The following KCNQ1 variants were observed in gnomAD, a reference collection of about 807,000 sequenced individuals.
The protein encoded by KCNQ1 is potassium voltage-gated channel subfamily Q member 1.
A neutral mutation model predicts 72.4 loss-of-function variants in KCNQ1; 49 were observed. That is an observed-to-expected ratio of 0.68 (90% CI 0.54 to 0.86). The LOEUF is 0.86. Among genes scored for constraint, KCNQ1 ranks in the 40% least tolerant of loss-of-function variants. The probability of loss-of-function intolerance (pLI) is 0.00; values close to 1 mark genes in which losing one functional copy is unlikely to be tolerated. For missense variants in KCNQ1, 790 were observed against 945.1 expected (o/e 0.84, Z 2.15); for synonymous variants, 450 against 412.6 (o/e 1.09, Z -1.10).
At position 2,661,111 on chromosome 11, in the gene KCNQ1, C is replaced by A. The variant is rs1310826344; in HGVS notation, c.1394-850C>A. 4 of 398,392 alleles carry A rather than the reference C, an allele frequency of 1.0e-5. No homozygotes were observed. The highest frequency in any genetic ancestry group is 4.4e-5 in the Admixed American group (1 of 22,682). 24.7% of individuals were successfully genotyped at this position (398,392 alleles called of 1,614,324 possible). On this transcript the variant is annotated intron_variant, in intron 10 of 15. Transcript: ENST00000155840. The surrounding 1 kb of genome is among the most constrained non-coding windows in gnomAD (Gnocchi z 5.9). ...CATAAAAGCAACTCCCACCTGGCAT[C>A]TGCTGCTCGGATGAGCAGAGAGGGT...
rs552606524 is a variant in KCNQ1, at chr11:2,668,229, C to T, written c.1514+6148C>T. The stretch of plus-strand genomic sequence containing the variant: ...CATTCATCCATTCTACCACCTGTGG[C>T]CAGCAGGCAGTTTCTGGTGTAGGTT... On this transcript the variant is annotated intron_variant, in intron 11 of 15. Coordinates refer to ENST00000155840, the MANE Select transcript of KCNQ1 (RefSeq NM_000218.3). The surrounding 1 kb of genome is among the most constrained non-coding windows in gnomAD (Gnocchi z 4.3). 5 of 398,626 alleles carry T rather than the reference C, an allele frequency of 1.3e-5. No individual in the cohort carries two copies. The East Asian group carries it at 1.8e-4, about 14-fold the overall frequency. The allele number at this position is 398,626 out of a possible 1,614,324, so 24.7% of individuals were successfully genotyped here. A position where few individuals can be genotyped will look rare whatever the true frequency, so the allele number is the denominator to read the frequency against.
chr11:2,721,594 T>G (rs918361000), intron 11 of KCNQ1, among the ~76,000 whole-genome samples: 4 of 152,218 alleles, frequency 2.6e-5, no homozygotes, highest in African/African-American at 2.4e-5. Flanking sequence ...TTACTCCGCC[T>G]GCAGGGGTGG....
At chr11:2,835,427 A>G (rs1022955861) in intron 15 of KCNQ1, among the ~76,000 whole-genome samples, 18 of 146,522 alleles carry the variant, frequency 1.2e-4, no homozygotes, top group Non-Finnish European at 3.0e-5. Flanking sequence ...ACACACACAC[A>G]CGCACACATG....
chr11:2,760,734 G>A (rs1365603982), intron 11 of KCNQ1, among the ~76,000 whole-genome samples: 1 of 152,190 alleles, frequency 6.6e-6, no homozygotes, highest in African/African-American at 2.4e-5. Flanking sequence ...TCTCTTACCA[G>A]CTCGCTCCTG....
intron 15 of KCNQ1, among the ~76,000 whole-genome samples, chr11:2,843,652 G>A (rs1848257530): frequency 6.6e-6 from 1 of 152,234 alleles, no homozygotes; most frequent in South Asian, 2.1e-4. Context: ...ATCAAGGCCG[G>A]GCAGGTTCTG....
intron 10 of KCNQ1, chr11:2,641,987 A>G (rs190872405): frequency 2.5e-5 from 10 of 398,386 alleles, no homozygotes; most frequent in South Asian, 1.3e-4. Context: ...CCATTGGTCT[A>G]TCAGTTTTTA....
At chr11:2,490,733 G>C (rs943732044) in intron 1 of KCNQ1, among the ~76,000 whole-genome samples, 7 of 152,114 alleles carry the variant, frequency 4.6e-5, no homozygotes, top group African/African-American at 1.7e-4. Context: ...TTGTTGCCAA[G>C]GCTAGAGCGC....
At chr11:2,702,101 C>G (rs1343381062) in intron 11 of KCNQ1, among the ~76,000 whole-genome samples, 1 of 152,172 alleles carries the variant, frequency 6.6e-6, no homozygotes, top group Non-Finnish European at 1.5e-5. Context: ...AGGCCAGAAT[C>G]CTCCCCTGAT....
Position 2,565,486 on chromosome 11 carries a change from T to G in KCNQ1, c.478-5142T>G, listed in dbSNP as rs1848234336. Among the ~76,000 whole-genome samples, 1 of 152,194 alleles carries G rather than the reference T, an allele frequency of 6.6e-6. No homozygotes were observed. The highest frequency in any genetic ancestry group is 1.5e-5 in the Non-Finnish European group (1 of 68,038). ...AAATTGAGTTGTTAGGAACTTTGGTTTTTTAAATAATTTTAAAGCACACAA... is the reference window on the plus strand; with the variant it reads ...AAATTGAGTTGTTAGGAACTTTGGTGTTTTAAATAATTTTAAAGCACACAA... On this transcript the variant is annotated intron_variant, in intron 2 of 15. Transcript: ENST00000155840. The surrounding 1 kb of genome is among the most constrained non-coding windows in gnomAD (Gnocchi z 5.6).
In KCNQ1 at chr11:2,508,894, G is replaced by T. The variant is rs1223798575; in HGVS notation, c.387-19034G>T. ...GCCTGATGCACACAGCCTGGCCCTT[G>T]TGGGCACTGGAGGGCACCCTACAGT... On this transcript the variant is annotated intron_variant, in intron 1 of 15. Coordinates refer to ENST00000155840, the MANE Select transcript of KCNQ1 (RefSeq NM_000218.3). This position sits in a 1 kb window ranked among gnomAD's most constrained non-coding sequence, Gnocchi z 6.2. 6.6e-6 allele frequency among the ~76,000 whole-genome samples: 1 copy of T among 151,944 alleles called. No homozygotes were observed. The highest frequency in any genetic ancestry group is 6.5e-5 in the Admixed American group (1 of 15,276).
rs888156437 is a variant in KCNQ1 at position 2,497,996 on chromosome 11, T to C, written c.387-29932T>C. On this transcript the variant is annotated intron_variant, in intron 1 of 15. Transcript: ENST00000155840. The surrounding 1 kb of genome is among the most constrained non-coding windows in gnomAD (Gnocchi z 4.5). ...ACCCTGTTTGCCTGGGTATCACCAGTGGAGGCTGCAGAACAGCAAAGATTG... is the reference window on the plus strand; with the variant it reads ...ACCCTGTTTGCCTGGGTATCACCAGCGGAGGCTGCAGAACAGCAAAGATTG... 1.3e-5 allele frequency among the ~76,000 whole-genome samples: 2 copies of C among 152,202 alleles called. No homozygotes were observed. Among genetic ancestry groups the C allele is most frequent in the African/African-American group, 4.8e-5 (2 of 41,454 alleles).
At chr11:2,501,722 A>AG (rs1847014020) in intron 1 of KCNQ1, among the ~76,000 whole-genome samples, 2 of 12,158 alleles carry the variant, frequency 1.6e-4, no homozygotes, top group African/African-American at 2.6e-4. Context: ...ATACATCAAA[A>AG]AAAAAAAAAA....
In KCNQ1 at chr11:2,623,999, T is replaced by C. The variant is rs1849220406; in HGVS notation, c.1393+35145T>C. ...ACTTTACATTCCCATTAATGGTATA[T>C]GTCAAAGTGGCTGTACCATTTTGCA... On this transcript the variant is annotated intron_variant, in intron 10 of 15. Coordinates refer to ENST00000155840, the MANE Select transcript of KCNQ1 (RefSeq NM_000218.3). The surrounding 1 kb of genome is among the most constrained non-coding windows in gnomAD (Gnocchi z 5.2). The C allele has an allele frequency of 2.5e-6, 1 of 398,974 alleles. No individual in the cohort carries two copies. Among genetic ancestry groups the C allele is most frequent in the Non-Finnish European group, 4.4e-6 (1 of 226,420 alleles). The allele number at this position is 398,974 out of a possible 1,614,324, so 24.7% of individuals were successfully genotyped here.
At chr11:2,637,229 G>A (rs1029934638) in intron 10 of KCNQ1, 1 of 151,986 alleles carries the variant, frequency 6.6e-6, no homozygotes, top group Non-Finnish European at 1.5e-5. Context: ...GCTAGCTTTT[G>A]AATGTGTTTG....
At chr11:2,638,044 C>G (rs1849505567) in intron 10 of KCNQ1, 1 of 152,154 alleles carries the variant, frequency 6.6e-6, no homozygotes, top group African/African-American at 2.4e-5. Flanking sequence ...GATCTTCCTC[C>G]ATCCCTTTAT....
intron 15 of KCNQ1, among the ~76,000 whole-genome samples, chr11:2,838,621 C>T (rs754469287): frequency 2.6e-5 from 4 of 152,080 alleles, no homozygotes; most frequent in Non-Finnish European, 4.4e-5. Context: ...GATGGCCCAG[C>T]AAGTGGCTGA....
intron 1 of KCNQ1, among the ~76,000 whole-genome samples, chr11:2,496,534 T>TG (rs1352517548): frequency 7.6e-6 from 1 of 131,116 alleles, no homozygotes; most frequent in East Asian, 2.5e-4. Context: ...TTCCATTGCT[T>TG]GGTAAATATT....
In KCNQ1 at chr11:2,683,960, C is replaced by CTT. The variant is rs560196106; in HGVS notation, c.1514+21892_1514+21893dup. On this transcript the variant is annotated intron_variant, in intron 11 of 15. Transcript: ENST00000155840. The surrounding 1 kb of genome is among the most constrained non-coding windows in gnomAD (Gnocchi z 4.7). ...AGACAAAACCAGCTGACTGCTTTTACTTTTTTTTTTTTTTCATTTAGAAGA... is the reference window on the plus strand; with the variant it reads ...AGACAAAACCAGCTGACTGCTTTTACTTTTTTTTTTTTTTTTCATTTAGAAGA... 2.4e-4 allele frequency: 94 copies of CTT among 387,420 alleles called. 1 individual carries two copies. In the Middle Eastern group the frequency reaches 3.2e-3, roughly 13 times the overall value. The allele number at this position is 387,420 out of a possible 1,614,324, so 24.0% of individuals were successfully genotyped here. A position where few individuals can be genotyped will look rare whatever the true frequency, so the allele number is the denominator to read the frequency against.
intron 15 of KCNQ1, among the ~76,000 whole-genome samples, chr11:2,795,443 C>A (rs1401380919): frequency 6.6e-6 from 1 of 152,202 alleles, no homozygotes; most frequent in Admixed American, 6.5e-5. Context: ...CCGAGGGGCT[C>A]CTCCTCCTCC....
Sources: gnomAD v4.1 joint callset for allele counts (sites outside exome capture counted in the v4.1 genomes callset) on GRCh38, gnomAD v4.1.1 for gene constraint, Gnocchi (gnomAD v3.1) non-coding constraint, MANE v1.5 for transcripts, NCBI Gene and HGNC (gene_info 2026-07-23, HGNC 2026-07-21) for gene names.